Variants in CABIN1 observed in about 807,000 individuals in gnomAD.
CABIN1 encodes the protein calcineurin binding protein 1.
CABIN1 carries 133 observed loss-of-function variants against 227.7 expected under a neutral mutation model. The ratio of observed to expected loss-of-function variants is 0.58; its 90% CI spans 0.51 to 0.67. The LOEUF (loss-of-function observed/expected upper bound fraction) is 0.67, where lower values mean the gene tolerates loss of function less well. Among genes scored for constraint, CABIN1 ranks in the 30% least tolerant of loss-of-function variants. CABIN1 has a pLI of 0.00. For missense variants in CABIN1, 2,408 were observed against 2,852.5 expected (o/e 0.84, Z 3.55); for synonymous variants, 1,086 against 1,155.1 (o/e 0.94, Z 1.21).
chr22:24,169,656 GCAGGCC>G (rs534958978), intron 33 of CABIN1, among the ~76,000 whole-genome samples: 1 of 152,214 alleles, frequency 6.6e-6, no homozygotes, highest in Non-Finnish European at 1.5e-5. Flanking sequence ...AGTGCTGGGC[GCAGGCC>G]CAGGCCCAGG....
rs146989612 is a variant in CABIN1 at position 24,164,463 on chromosome 22, C to A, written c.4810C>A (p.Arg1604Ser). ...GGGCAGCTTTGCCTGGCACATGAAC[C>A]GCTCCATCGTGCTGCTGCTCAAGGT... ...RPGSFAWHMN[R>S]SIVLLLKVLA... Residue 1604 changes from arginine (R) to serine (S), a missense_variant, in exon 30 of 37, where the codon CGC becomes AGC. Physicochemically the swap from Arg to Ser is moderately radical, Grantham distance 110. Around this residue, in one of 3 missense-constraint regions of CABIN1, gnomAD observed 649 missense variants for 910.3 expected, o/e 0.71. Coordinates refer to ENST00000263119, the MANE Select transcript of CABIN1 (RefSeq NM_012295.4). 1 of 1,605,938 alleles carries A rather than the reference C, an allele frequency of 6.2e-7. No individual in the cohort carries two copies. Among genetic ancestry groups the A allele is most frequent in the Admixed American group, 1.7e-5 (1 of 60,026 alleles).
intron 29 of CABIN1, among the ~76,000 whole-genome samples, chr22:24,156,253 G>T (rs1274289474): frequency 1.3e-5 from 2 of 152,100 alleles, no homozygotes; most frequent in Non-Finnish European, 2.9e-5. Context: ...ACCAGGCGCA[G>T]CAGGAAGCCC....
rs1213319788 is a variant in CABIN1, at chr22:24,176,121, G to T, written c.6051G>T (p.Glu2017Asp). The T allele has an allele frequency of 6.2e-7, 1 of 1,610,858 alleles. No individual in the cohort carries two copies. The highest frequency in any genetic ancestry group is 8.5e-7 in the Non-Finnish European group (1 of 1,179,096). Residue 2017 changes from glutamate to aspartate, a missense_variant, in exon 35 of 37, where the codon GAG (glutamate) becomes GAT (aspartate). Around this residue, in one of 3 missense-constraint regions of CABIN1, gnomAD observed 714 missense variants for 773.8 expected, o/e 0.92. Transcript: ENST00000263119. ...SMASLGPEGE[E>D]LARVAEGTSF... ...CCCATGTCCCCACAGAGGGAGAAGA[G>T]CTGGCGAGAGTGGCAGAGGGCACCA...
chr22:24,117,964 T>C (rs1437920137), intron 27 of CABIN1, among the ~76,000 whole-genome samples: 1 of 152,206 alleles, frequency 6.6e-6, no homozygotes, highest in Non-Finnish European at 1.5e-5. Context: ...AGCCCTAAGC[T>C]GTGGGACGCA....
In CABIN1 at chr22:24,164,673, G is replaced by A. The variant is rs577901079; in HGVS notation, c.4910+110G>A. The A allele has an allele frequency of 7.0e-6, 9 of 1,285,590 alleles. No homozygotes were observed. In the Admixed American group the frequency reaches 1.2e-4, roughly 17 times the overall value. The allele number at this position is 1,285,590 out of a possible 1,614,324, so 79.6% of individuals were successfully genotyped here. ...GCCCAGCTGTGAGGACCACTGGCTG[G>A]GAGCCTGGACCAGCTCTTCATTCTC... On this transcript the variant is annotated intron_variant, in intron 30 of 36. Transcript: ENST00000263119.
chr22:24,117,274 C>T (rs1443012908), intron 27 of CABIN1, among the ~76,000 whole-genome samples: 1 of 152,222 alleles, frequency 6.6e-6, no homozygotes, highest in African/African-American at 2.4e-5. Context: ...GCAATCATGG[C>T]TCACTATAGC....
In CABIN1 at chr22:24,042,848, G is replaced by C. The variant is rs1456928088; in HGVS notation, c.346-56G>C. On this transcript the variant is annotated intron_variant, in intron 5 of 36. Coordinates refer to ENST00000263119, the MANE Select transcript of CABIN1 (RefSeq NM_012295.4). ...TGTGTGTGTGTGTGTGTGTGTGTGT[G>C]TGTGTGTGTGTGTGTGTGTGTGTGT... 1.1e-5 allele frequency: 9 copies of C among 845,572 alleles called. No homozygotes were observed. The East Asian group carries it at 1.8e-4, about 17-fold the overall frequency. The allele number at this position is 845,572 out of a possible 1,614,324, so 52.4% of individuals were successfully genotyped here. A position where few individuals can be genotyped will look rare whatever the true frequency, so the allele number is the denominator to read the frequency against.
Position 24,104,264 on chromosome 22 carries a change from T to G in CABIN1, c.4117+6072T>G, listed in dbSNP as rs551890023. On this transcript the variant is annotated intron_variant, in intron 26 of 36. Coordinates refer to ENST00000263119, the MANE Select transcript of CABIN1 (RefSeq NM_012295.4). ...GGCTGGGGGATGCCAGCCTCACACCTTACAGAACTGCTTCGCTTCTTCTGG... is the reference window on the plus strand; with the variant it reads ...GGCTGGGGGATGCCAGCCTCACACCGTACAGAACTGCTTCGCTTCTTCTGG... Among the ~76,000 whole-genome samples the G allele has an allele frequency of 1.2e-4, 19 of 152,306 alleles. No individual in the cohort carries two copies. The South Asian group carries it at 3.9e-3, about 32-fold the overall frequency.
chr22:24,060,271 G>A, intron 12 of CABIN1, 130 bp downstream of exon 12: 2 of 885,160 alleles, frequency 2.3e-6, no homozygotes, highest in Non-Finnish European at 3.6e-6. Context: ...TGGTTTTTTT[G>A]TGGGTGTCGA....
chr22:24,135,695 C>T (rs59229498), intron 29 of CABIN1, among the ~76,000 whole-genome samples: 3 of 152,206 alleles, frequency 2.0e-5, no homozygotes, highest in African/African-American at 2.4e-5. Context: ...TCATACACCC[C>T]CTCTGAGCTT....
At chr22:24,173,611 G>A (rs139180279) in intron 34 of CABIN1, among the ~76,000 whole-genome samples, 1,552 of 152,264 alleles carry the variant, frequency 0.01, 24 homozygotes, top group South Asian at 0.037. Context: ...CGAGGTGGGC[G>A]GATCACGAGG....
At chr22:24,023,943 G>C (rs987177402) in intron 1 of CABIN1, among the ~76,000 whole-genome samples, 8 of 152,032 alleles carry the variant, frequency 5.3e-5, no homozygotes, top group Non-Finnish European at 1.2e-4. Context: ...ATGTTGGCCA[G>C]GCTGGTCTCG....
intron 12 of CABIN1, 53 bp downstream of exon 12, chr22:24,060,194 A>G (rs2039088704): frequency 3.9e-6 from 6 of 1,522,972 alleles, no homozygotes; most frequent in Non-Finnish European, 5.4e-6. Flanking sequence ...GGGCATGGGG[A>G]CAGGGATCTT....
At chr22:24,165,474 G>A in intron 30 of CABIN1, 56 bp from the exon 31 acceptor site, 1 of 1,474,040 alleles carries the variant, frequency 6.8e-7, no homozygotes, top group Non-Finnish European at 9.4e-7. Context: ...ATCCAGCAGT[G>A]CCATGTGGTG....
intron 2 of CABIN1, 73 bp downstream of exon 2, chr22:24,035,593 A>G: frequency 6.3e-7 from 1 of 1,582,052 alleles, no homozygotes; most frequent in Non-Finnish European, 8.7e-7. Context: ...GGCGAGGGGC[A>G]TTTTCCTGTT....
chr22:24,131,408 G>A (rs548278800), intron 28 of CABIN1, among the ~76,000 whole-genome samples: 66 of 152,294 alleles, frequency 4.3e-4, no homozygotes, highest in African/African-American at 1.5e-3. Flanking sequence ...CAGCATTGAG[G>A]CCAGGGCCAT....
chr22:24,158,501 G>A (rs2045968021), intron 29 of CABIN1, among the ~76,000 whole-genome samples: 1 of 152,192 alleles, frequency 6.6e-6, no homozygotes, highest in South Asian at 2.1e-4. Flanking sequence ...TTGGTGATGT[G>A]GGAAAATACA....
intron 28 of CABIN1, among the ~76,000 whole-genome samples, chr22:24,129,359 G>A (rs1408232969): frequency 4.6e-5 from 7 of 152,166 alleles, no homozygotes; most frequent in Admixed American, 3.9e-4. Context: ...GTTAGTGGGC[G>A]GGGGCTGGCA....
At chr22:24,065,681 G>T (rs1450284271) in intron 15 of CABIN1, among the ~76,000 whole-genome samples, 2 of 152,248 alleles carry the variant, frequency 1.3e-5, no homozygotes, top group Non-Finnish European at 2.9e-5. Flanking sequence ...GTAGCAAGCC[G>T]AGATCACGCC....
Sources: allele counts gnomAD v4.1 joint callset (sites outside exome capture counted in the v4.1 genomes callset), GRCh38; gene constraint gnomAD v4.1.1; regional missense constraint gnomAD v4.1.1; transcripts MANE v1.5; gene names NCBI Gene and HGNC (gene_info 2026-07-23, HGNC 2026-07-21).